The following ARSB variants were observed in gnomAD, a reference collection of about 807,000 sequenced individuals.
ARSB encodes arylsulfatase B, also known as N-acetylgalactosamine-4-sulfatase.
ARSB carries 41 observed loss-of-function variants against 50.9 expected under a neutral mutation model. The observed-to-expected ratio is 0.81, with a 90% CI of 0.63 to 1.04. The LOEUF (loss-of-function observed/expected upper bound fraction) is 1.04, where lower values mean the gene tolerates loss of function less well. Ranked by LOEUF, ARSB falls within the 50% of genes least tolerant of loss-of-function variation. The pLI is 0.00. For synonymous variants in ARSB, 269 were observed against 284.8 expected (o/e 0.94, Z 0.56); for missense variants, 672 against 693.3 (o/e 0.97, Z 0.35).
chr5:78,799,851 G>GA (rs1305068739), intron 6 of ARSB, among the ~76,000 whole-genome samples: 3 of 152,214 alleles, frequency 2.0e-5, no homozygotes, highest in Non-Finnish European at 4.4e-5. Flanking sequence ...TTTGGCAGAT[G>GA]AAAAATCTGG....
At chr5:78,847,924 G>C (rs1265320869) in intron 5 of ARSB, among the ~76,000 whole-genome samples, 3 of 151,860 alleles carry the variant, frequency 2.0e-5, no homozygotes, top group East Asian at 1.9e-4. Flanking sequence ...TTTTTTGTTG[G>C]TGATTTTATT....
chr5:78,909,536 C>CAA (rs1426953531), intron 4 of ARSB, among the ~76,000 whole-genome samples: 1 of 152,152 alleles, frequency 6.6e-6, no homozygotes, highest in Non-Finnish European at 1.5e-5. Context: ...TGTATGGAAT[C>CAA]AAGGTTTAAG....
In ARSB at chr5:78,870,853, T is replaced by C. The variant is rs566795254; in HGVS notation, c.1142+14731A>G. ...GGGAAGGAAATAAAGGGTATTCAAT[T>C]AGGAAAAGAGGAAGTCAAATTGTCC... is the stretch of plus-strand genomic sequence containing the variant. On this transcript the variant is annotated intron_variant, in intron 5 of 7. Transcript: ENST00000264914. 3.2e-3 allele frequency among the ~76,000 whole-genome samples: 483 copies of C among 152,156 alleles called. 1 individual carries two copies. Among genetic ancestry groups the C allele is most frequent in the Non-Finnish European group, 5.0e-3 (337 of 68,000 alleles).
intron 6 of ARSB, among the ~76,000 whole-genome samples, chr5:78,789,545 C>G (rs571747992): frequency 1.3e-5 from 2 of 152,306 alleles, no homozygotes; most frequent in South Asian, 4.2e-4. Flanking sequence ...GATGCATGTA[C>G]AGCAGACTGG....
Position 78,820,476 on chromosome 5 carries a change from G to A in ARSB, c.1213+18880C>T, listed in dbSNP as rs193267942. 2.6e-3 allele frequency among the ~76,000 whole-genome samples: 392 copies of A among 152,096 alleles called. 3 individuals are homozygous for A. Among genetic ancestry groups the A allele is most frequent in the African/African-American group, 8.7e-3 (361 of 41,482 alleles). Reference sequence around the variant, plus strand: ...CTCGGGAGGCTGAGGCAGGAGAATCGCTTGAACCCGGGAGGTAGAGGTTGC... The same window carrying A: ...CTCGGGAGGCTGAGGCAGGAGAATCACTTGAACCCGGGAGGTAGAGGTTGC... On this transcript the variant is annotated intron_variant, in intron 6 of 7. Transcript: ENST00000264914.
At chr5:78,826,151 A>G (rs541773079) in intron 6 of ARSB, among the ~76,000 whole-genome samples, 47 of 150,390 alleles carry the variant, frequency 3.1e-4, no homozygotes, top group African/African-American at 1.1e-3. Flanking sequence ...AGTTCAAGGG[A>G]TTCTTCTGCC....
intron 5 of ARSB, among the ~76,000 whole-genome samples, chr5:78,875,400 A>T (rs2112171200): frequency 6.6e-6 from 1 of 152,156 alleles, no homozygotes; most frequent in South Asian, 2.1e-4. Context: ...AATACATTCA[A>T]CATATTACAT....
chr5:78,902,569 G>C (rs924643758), intron 4 of ARSB, among the ~76,000 whole-genome samples: 3 of 152,070 alleles, frequency 2.0e-5, no homozygotes, highest in African/African-American at 4.8e-5. Flanking sequence ...GCAATAAAAG[G>C]GATATTATGC....
intron 6 of ARSB, among the ~76,000 whole-genome samples, chr5:78,830,302 G>A (rs1291151413): frequency 1.3e-5 from 2 of 152,194 alleles, no homozygotes; most frequent in Non-Finnish European, 2.9e-5. Flanking sequence ...GTGCTGTAGA[G>A]AAGGGATCTG....
intron 3 of ARSB, among the ~76,000 whole-genome samples, 176 bp from the exon 4 acceptor site, chr5:78,955,678 A>G (rs1383820599): frequency 1.3e-5 from 2 of 152,150 alleles, no homozygotes; most frequent in Non-Finnish European, 2.9e-5. Context: ...GAATATATAA[A>G]GAACCCTTAC....
intron 4 of ARSB, among the ~76,000 whole-genome samples, chr5:78,890,287 T>G (rs56703405): frequency 0.3 from 43,712 of 145,204 alleles, 8,694 homozygotes; most frequent in African/African-American, 0.57. Context: ...GTCTCACTCC[T>G]CCAACCAGGA....
At chr5:78,782,385 A>G (rs182559712) in intron 6 of ARSB, among the ~76,000 whole-genome samples, 30 of 152,318 alleles carry the variant, frequency 2.0e-4, no homozygotes, top group African/African-American at 7.0e-4. Flanking sequence ...TAAAATGTAC[A>G]TTTTCATGCA....
intron 4 of ARSB, among the ~76,000 whole-genome samples, chr5:78,899,235 G>A (rs1261344293): frequency 6.6e-6 from 1 of 152,020 alleles, no homozygotes; most frequent in African/African-American, 2.4e-5. Context: ...GCTGCTTTTA[G>A]GATCCTCTCT....
Position 78,780,095 on chromosome 5 carries a change from T to C in ARSB, c.*302A>G. The C allele has an allele frequency of 4.9e-6, 2 of 404,306 alleles. No individual in the cohort carries two copies. Among genetic ancestry groups the C allele is most frequent in the Non-Finnish European group, 9.3e-6 (2 of 215,152 alleles). 25.0% of individuals were successfully genotyped at this position (404,306 alleles called of 1,614,324 possible). A position where few individuals can be genotyped will look rare whatever the true frequency, so the allele number is the denominator to read the frequency against. On this transcript the variant is annotated 3_prime_UTR_variant, in exon 8 of 8. Coordinates refer to ENST00000264914, the MANE Select transcript of ARSB (RefSeq NM_000046.5). ...TCTAAAAGAGCCAGCTGTTCCAGCC[T>C]CCAGGATTCAGTGAGAACTTCCTAT...
chr5:78,792,434 G>A (rs1019438392), intron 6 of ARSB, among the ~76,000 whole-genome samples: 1 of 151,324 alleles, frequency 6.6e-6, no homozygotes, highest in Non-Finnish European at 1.5e-5. Flanking sequence ...CGTGCAGCCC[G>A]TGGGCCATGG....
intron 3 of ARSB, among the ~76,000 whole-genome samples, chr5:78,958,478 T>C (rs1380679263): frequency 2.0e-5 from 3 of 152,238 alleles, no homozygotes; most frequent in Admixed American, 6.5e-5. Flanking sequence ...CTTATAAATA[T>C]TCAGTATAGA....
intron 5 of ARSB, among the ~76,000 whole-genome samples, chr5:78,867,581 A>G (rs927277439): frequency 6.6e-6 from 1 of 152,122 alleles, no homozygotes; most frequent in Non-Finnish European, 1.5e-5. Context: ...ACGGCAGGGT[A>G]TTCCAACAGA....
intron 5 of ARSB, among the ~76,000 whole-genome samples, chr5:78,849,550 C>G (rs35368627): frequency 1.3e-5 from 2 of 150,712 alleles, no homozygotes; most frequent in Non-Finnish European, 3.0e-5. Context: ...GCAATGTGGG[C>G]TCTTTTTTGG....
chr5:78,856,715 C>G (rs977593976), intron 5 of ARSB, among the ~76,000 whole-genome samples: 1 of 152,192 alleles, frequency 6.6e-6, no homozygotes, highest in Non-Finnish European at 1.5e-5. Flanking sequence ...TTCTCTATGT[C>G]TCTCTCTACA....
Sources: gnomAD v4.1 joint callset for allele counts (sites outside exome capture counted in the v4.1 genomes callset) on GRCh38, gnomAD v4.1.1 for gene constraint, MANE v1.5 for transcripts, NCBI Gene and HGNC (gene_info 2026-07-23, HGNC 2026-07-21) for gene names.